Variants in MOSPD2 observed in about 807,000 individuals in gnomAD.
The protein encoded by MOSPD2 is motile sperm domain containing 2, also known as motile sperm domain-containing protein 2.
Under a neutral mutation model 41.7 loss-of-function variants are expected in MOSPD2, and 5 were observed. The ratio of observed to expected loss-of-function variants is 0.12; its 90% CI spans 0.06 to 0.25. MOSPD2 has a LOEUF of 0.25. Ranked by LOEUF, MOSPD2 falls within the 10% of genes least tolerant of loss-of-function variation. The probability of loss-of-function intolerance (pLI) is 1.00; values close to 1 mark genes in which losing one functional copy is unlikely to be tolerated. For synonymous variants in MOSPD2, 115 were observed against 126.9 expected (o/e 0.91, Z 0.63); for missense variants, 282 against 375.2 (o/e 0.75, Z 2.05).
In MOSPD2 at chrX:14,909,711, AT is replaced by A. The variant is rs2092588291; in HGVS notation, c.702+728del. 3.6e-5 allele frequency among the ~76,000 whole-genome samples: 4 copies of A among 111,484 alleles called. No individual in the cohort carries two copies. The South Asian group carries it at 1.5e-3, about 41-fold the overall frequency. On this transcript the variant is annotated intron_variant, in intron 8 of 14. Transcript: ENST00000380492. ...GTTTCACTTATTTGATTTTTTTGCA[AT>A]CTATTTTTTATACTGCCTGCCTGGC...
chrX:14,877,621 G>A (rs780999160), intron 2 of MOSPD2, among the ~76,000 whole-genome samples: 51 of 107,399 alleles, frequency 4.7e-4, no homozygotes, highest in African/African-American at 1.5e-3. Flanking sequence ...GATTACAGGC[G>A]TGAGCCACCA....
At chrX:14,897,322 C>A in intron 5 of MOSPD2, 84 bp downstream of exon 5, 1 of 816,265 alleles carries the variant, frequency 1.2e-6, no homozygotes, top group Non-Finnish European at 1.7e-6. Flanking sequence ...CCACATATTG[C>A]TGTAAAATTG....
intron 2 of MOSPD2, among the ~76,000 whole-genome samples, chrX:14,883,741 G>T: frequency 9.0e-6 from 1 of 111,679 alleles, no homozygotes; most frequent in Middle Eastern, 4.7e-3. Context: ...AGATAAAAAT[G>T]TGTAAGGAAA....
intron 2 of MOSPD2, chrX:14,874,527 CTG>C (rs1322482610): frequency 4.5e-5 from 5 of 111,745 alleles, no homozygotes; most frequent in African/African-American, 1.6e-4. Context: ...GTTTTCATAT[CTG>C]TGAAGTGCAA....
chrX:14,880,246 A>G (rs1427100388), intron 2 of MOSPD2, among the ~76,000 whole-genome samples: 2 of 110,886 alleles, frequency 1.8e-5, no homozygotes, highest in African/African-American at 6.5e-5. Context: ...CAAATACTGT[A>G]TGTGTTTTAT....
chrX:14,877,644 A>G (rs1024057867), intron 2 of MOSPD2, among the ~76,000 whole-genome samples: 3 of 102,393 alleles, frequency 2.9e-5, no homozygotes, highest in African/African-American at 1.0e-4. Context: ...CCCGGCCTAC[A>G]GTCTTTTTTC....
At chrX:14,901,491 A>G (rs1217579338) in intron 6 of MOSPD2, among the ~76,000 whole-genome samples, 2 of 111,480 alleles carry the variant, frequency 1.8e-5, no homozygotes, top group African/African-American at 3.3e-5. Context: ...TGTTAATTTT[A>G]TTGTTAATGT....
rs747760686 is a variant in MOSPD2, at chrX:14,873,755, A to C, written c.76A>C (p.Thr26Pro). The C allele has an allele frequency of 2.5e-6, 3 of 1,197,699 alleles. No homozygotes were observed. The highest frequency in any genetic ancestry group is 4.4e-5 in the Admixed American group (2 of 45,811). Residue 26 changes from threonine to proline, a missense_variant, in exon 2 of 15, where the codon ACA becomes CCA. This residue lies in a region of MOSPD2 where 187 missense variants were observed against 256.6 expected (regional missense o/e 0.73). Coordinates refer to ENST00000380492, the MANE Select transcript of MOSPD2 (RefSeq NM_152581.4). The part of the protein sequence containing the change: ...TRRRFEAEYV[T>P]DKSDKYDARD... ...GAGGAGGTTCGAAGCTGAGTATGTG[A>C]CAGGTGGGTACTCTGTTCCAGGTAT...
At position 14,897,147 on chromosome X, in the gene MOSPD2, T is replaced by C. The variant is rs778315491; in HGVS notation, c.386T>C (p.Ile129Thr). ...QKTILDKKKL[I>T]AFWLERYAKR... ...ACCATATTGGACAAAAAGAAGCTCA[T>C]AGCATTCTGGTTGGAACGTTATGCT... Residue 129 changes from isoleucine (I) to threonine (T), a missense_variant, in exon 5 of 15, where the codon ATA (isoleucine) becomes ACA (threonine). Transcript: ENST00000380492. The C allele has an allele frequency of 2.2e-5, 26 of 1,206,839 alleles. No homozygotes were observed. Among genetic ancestry groups the C allele is most frequent in the Non-Finnish European group, 2.4e-5 (21 of 892,550 alleles).
chrX:14,920,996 T>G lies in MOSPD2; in HGVS notation c.*1187T>G. 1.3e-6 allele frequency: 1 copy of G among 757,459 alleles called. No homozygotes were observed. Among genetic ancestry groups the G allele is most frequent in the Non-Finnish European group, 1.6e-6 (1 of 641,350 alleles). The allele number at this position is 757,459 out of a possible 1,213,427, so 62.4% of individuals were successfully genotyped here. ...CTAGGACCAATTGACTTACTTGATA[T>G]TCTGCCTTTGATATGGTAGTACCCA... is the stretch of plus-strand genomic sequence containing the variant. On this transcript the variant is annotated 3_prime_UTR_variant, in exon 15 of 15. Coordinates refer to ENST00000380492, the MANE Select transcript of MOSPD2 (RefSeq NM_152581.4).
In MOSPD2 at chrX:14,922,143, T is replaced by C. The variant is rs1158007518; in HGVS notation, c.*2334T>C. ...TTGTACAACTACAAAAAAAAATATA[T>C]TCCTAGAATTGTTGCCAGTGTAATT... On this transcript the variant is annotated 3_prime_UTR_variant, in exon 15 of 15. Transcript: ENST00000380492. 1.8e-5 allele frequency: 2 copies of C among 111,607 alleles called. No homozygotes were observed. Among genetic ancestry groups the C allele is most frequent in the Non-Finnish European group, 3.8e-5 (2 of 53,151 alleles). 9.2% of individuals were successfully genotyped at this position (111,607 alleles called of 1,213,427 possible). A position where few individuals can be genotyped will look rare whatever the true frequency, so the allele number is the denominator to read the frequency against.
intron 5 of MOSPD2, among the ~76,000 whole-genome samples, chrX:14,899,430 A>T (rs1309901253): frequency 9.2e-6 from 1 of 108,862 alleles, no homozygotes; most frequent in Non-Finnish European, 1.9e-5. Context: ...GGTTCTTTTC[A>T]GCTATTTTCT....
In MOSPD2 at chrX:14,874,072, G is replaced by A. The variant is rs947274295; in HGVS notation, c.79+314G>A. 24 of 309,314 alleles carry A rather than the reference G, an allele frequency of 7.8e-5. No individual in the cohort carries two copies. The Admixed American group carries it at 9.8e-4, about 13-fold the overall frequency. 25.5% of individuals were successfully genotyped at this position (309,314 alleles called of 1,213,427 possible). On this transcript the variant is annotated intron_variant, in intron 2 of 14. Transcript: ENST00000380492. Reference sequence around the variant, plus strand: ...CCCACAACACGGGTGACATTGTCCAGTCCACGGTTCCACTGCTGGCCTTTC... The same window carrying A: ...CCCACAACACGGGTGACATTGTCCAATCCACGGTTCCACTGCTGGCCTTTC...
chrX:14,909,333 A>AC (rs1192538813), intron 8 of MOSPD2, among the ~76,000 whole-genome samples: 1 of 111,309 alleles, frequency 9.0e-6, no homozygotes, highest in African/African-American at 3.3e-5. Flanking sequence ...ACCCATATAA[A>AC]CAAGTATAGT....
At chrX:14,881,883 A>G (rs909520539) in intron 2 of MOSPD2, among the ~76,000 whole-genome samples, 3 of 111,074 alleles carry the variant, frequency 2.7e-5, no homozygotes, top group African/African-American at 9.8e-5. Flanking sequence ...GAAGCTGGAA[A>G]CCATCATTCT....
intron 2 of MOSPD2, chrX:14,873,961 C>T (rs2092513616): frequency 4.6e-6 from 2 of 437,443 alleles, no homozygotes; most frequent in Middle Eastern, 5.4e-4. Flanking sequence ...GTCCCATGCT[C>T]CCTTTAAAGG....
chrX:14,878,646 A>G (rs1442722985), intron 2 of MOSPD2, among the ~76,000 whole-genome samples: 2 of 111,669 alleles, frequency 1.8e-5, no homozygotes, highest in Non-Finnish European at 3.8e-5. Context: ...TTTGCCATTA[A>G]AAGTGACTTT....
intron 2 of MOSPD2, among the ~76,000 whole-genome samples, chrX:14,880,435 T>C (rs1396457005): frequency 8.9e-6 from 1 of 111,976 alleles, no homozygotes; most frequent in African/African-American, 3.2e-5. Context: ...ATTGATTGTT[T>C]TCTTTCTAAC....
Position 14,902,956 on chromosome X carries a change from C to G in MOSPD2, c.539-10C>G. The G allele has an allele frequency of 5.2e-6, 6 of 1,144,167 alleles. No individual in the cohort carries two copies. Among genetic ancestry groups the G allele is most frequent in the Non-Finnish European group, 7.2e-6 (6 of 836,279 alleles). The allele number at this position is 1,144,167 out of a possible 1,213,427, so 94.3% of individuals were successfully genotyped here. A position where few individuals can be genotyped will look rare whatever the true frequency, so the allele number is the denominator to read the frequency against. The stretch of plus-strand genomic sequence containing the variant: ...GATTCACATTCAATGAATTTTTTTT[C>G]ATCTTTCAGCAAAAATAGTGATCTT... On this transcript the variant is annotated splice_polypyrimidine_tract_variant and intron_variant, in intron 6 of 14. Transcript: ENST00000380492.
Sources: allele counts gnomAD v4.1 joint callset (sites outside exome capture counted in the v4.1 genomes callset), GRCh38; gene constraint gnomAD v4.1.1; regional missense constraint gnomAD v4.1.1; transcripts MANE v1.5; gene names NCBI Gene and HGNC (gene_info 2026-07-23, HGNC 2026-07-21).